The following GPHN variants were observed in gnomAD, a reference collection of about 807,000 sequenced individuals.
GPHN encodes gephyrin.
In GPHN, 17 loss-of-function variants were observed where a neutral mutation model predicts 95.5. The observed-to-expected ratio is 0.18, with a 90% confidence interval of 0.12 to 0.27. The LOEUF is 0.27. Among genes scored for constraint, GPHN ranks in the 10% least tolerant of loss-of-function variants. The probability of loss-of-function intolerance (pLI) is 1.00; values close to 1 mark genes in which losing one functional copy is unlikely to be tolerated. For missense variants in GPHN, 660 were observed against 978.1 expected (o/e 0.67, Z 4.34); for synonymous variants, 320 against 322.5 (o/e 0.99, Z 0.08).
chr14:66,585,236 C>A (rs1035216555), intron 1 of GPHN, among the ~76,000 whole-genome samples: 1 of 152,044 alleles, frequency 6.6e-6, no homozygotes. Flanking sequence ...GTGATGATAT[C>A]CCCTTTGTTA....
intron 5 of GPHN, among the ~76,000 whole-genome samples, chr14:66,912,750 C>A (rs2065731382): frequency 6.6e-6 from 1 of 151,984 alleles, no homozygotes; most frequent in Non-Finnish European, 1.5e-5. Flanking sequence ...TTCTAATGTA[C>A]TTTTTAAGGA....
At chr14:67,448,593 G>A in the GPHN span, among the ~76,000 whole-genome samples, 14 of 152,198 alleles carry the variant, frequency 9.2e-5, no homozygotes, top group East Asian at 2.5e-3. Flanking sequence ...TGGGGAAGGG[G>A]GATGGTTTGC....
At chr14:67,275,585 T>G in the GPHN span, among the ~76,000 whole-genome samples, 2 of 152,216 alleles carry the variant, frequency 1.3e-5, no homozygotes, top group Non-Finnish European at 2.9e-5. Context: ...AATTCTCTTT[T>G]TTTTGTTGTG....
chr14:67,408,344 TAAA>T, the GPHN span, among the ~76,000 whole-genome samples: 21 of 138,074 alleles, frequency 1.5e-4, no homozygotes, highest in East Asian at 5.5e-3. Flanking sequence ...TAAAATAAAA[TAAA>T]ATAAAATAAA....
At chr14:66,532,734 T>G (rs2042234797) in intron 1 of GPHN, among the ~76,000 whole-genome samples, 1 of 152,196 alleles carries the variant, frequency 6.6e-6, no homozygotes, top group Admixed American at 6.5e-5. Context: ...GACCCAGGGT[T>G]GAAGATTCCC....
chr14:67,539,732 C>T, the GPHN span, among the ~76,000 whole-genome samples: 2 of 152,140 alleles, frequency 1.3e-5, no homozygotes, highest in Non-Finnish European at 2.9e-5. Flanking sequence ...GAATTTGGGA[C>T]CAGAATCCCA....
chr14:67,157,304 G>C (rs146199115), intron 18 of GPHN, among the ~76,000 whole-genome samples: 1 of 151,860 alleles, frequency 6.6e-6, no homozygotes, highest in East Asian at 1.9e-4. Context: ...AATTCATCAG[G>C]AATATGTAAG....
At position 67,097,341 on chromosome 14, in the gene GPHN, C is replaced by T. The variant is rs142124331; in HGVS notation, c.1238-3515C>T. Reference sequence around the variant, plus strand: ...TAAGTAGTGGAAGTAGCACATGTCACGGAGCCAACATATGAGTTATCTTGG... The same window carrying T: ...TAAGTAGTGGAAGTAGCACATGTCATGGAGCCAACATATGAGTTATCTTGG... On this transcript the variant is annotated intron_variant, in intron 12 of 22. Coordinates refer to ENST00000478722, the MANE Select transcript of GPHN (RefSeq NM_020806.5). Among the ~76,000 whole-genome samples, 87 of 152,280 alleles carry T rather than the reference C, an allele frequency of 5.7e-4. 1 individual carries two copies. The highest frequency in any genetic ancestry group is 1.0e-3 in the Non-Finnish European group (69 of 68,016).
At chr14:67,030,667 T>C (rs2074150223) in intron 10 of GPHN, among the ~76,000 whole-genome samples, 1 of 152,194 alleles carries the variant, frequency 6.6e-6, no homozygotes, top group African/African-American at 2.4e-5. Context: ...CCAAGTTCTT[T>C]TCTAGTATAC....
the GPHN span, among the ~76,000 whole-genome samples, chr14:67,609,389 G>A: frequency 6.6e-6 from 1 of 152,126 alleles, no homozygotes; most frequent in African/African-American, 2.4e-5. Context: ...CATGGAGTTG[G>A]GGTGCACCGC....
chr14:67,537,675 G>GA, the GPHN span, among the ~76,000 whole-genome samples: 4 of 151,514 alleles, frequency 2.6e-5, no homozygotes, highest in African/African-American at 4.8e-5. Flanking sequence ...AAAAGAAAAA[G>GA]AAAAAAAAGT....
Position 66,660,100 on chromosome 14 carries a change from GTA to G in GPHN, c.65-21005_65-21004del, listed in dbSNP as rs887046880. On this transcript the variant is annotated intron_variant, in intron 1 of 22. Transcript: ENST00000478722. ...GTGGTTGTTTATTGGTTACTCTAGT[GTA>G]TGTGTGTGTGTGTGTATAAAATTTT... Among the ~76,000 whole-genome samples, 4 of 151,968 alleles carry G rather than the reference GTA, an allele frequency of 2.6e-5. 1 individual carries two copies. In the South Asian group the frequency reaches 6.2e-4, roughly 24 times the overall value.
At chr14:67,460,634 G>T in the GPHN span, among the ~76,000 whole-genome samples, 1 of 152,180 alleles carries the variant, frequency 6.6e-6, no homozygotes, top group Non-Finnish European at 1.5e-5. Context: ...AACACGGGAG[G>T]CAGAGGTTGT....
chr14:67,361,259 G>T, the GPHN span, among the ~76,000 whole-genome samples: 2 of 152,286 alleles, frequency 1.3e-5, no homozygotes, highest in Admixed American at 1.3e-4. Context: ...GTATAGCAGA[G>T]AAGTCTTTAT....
chr14:66,916,259 C>G (rs1050239097), intron 6 of GPHN, among the ~76,000 whole-genome samples, 190 bp downstream of exon 6: 1 of 152,070 alleles, frequency 6.6e-6, no homozygotes, highest in Non-Finnish European at 1.5e-5. Context: ...AACTGTTACA[C>G]TTACAGTTAT....
intron 2 of GPHN, among the ~76,000 whole-genome samples, chr14:66,728,102 GCAAGCCC>G (rs1189570302): frequency 6.6e-6 from 1 of 152,168 alleles, no homozygotes; most frequent in Non-Finnish European, 1.5e-5. Flanking sequence ...TTCAGAGGGT[GCAAGCCC>G]CAAGCCTTGG....
chr14:66,803,115 A>T lies in GPHN; in HGVS notation c.202-21359A>T, dbSNP rs148663966. 1.9e-3 allele frequency among the ~76,000 whole-genome samples: 291 copies of T among 152,120 alleles called. 1 individual carries two copies. Among genetic ancestry groups the T allele is most frequent in the African/African-American group, 6.4e-3 (265 of 41,474 alleles). Reference sequence around the variant, plus strand: ...GTGCCAGATGGTGAAGCTTTCAGGAACTCAAGTTCTGATTGCTAGGATCAG... The same window carrying T: ...GTGCCAGATGGTGAAGCTTTCAGGATCTCAAGTTCTGATTGCTAGGATCAG... On this transcript the variant is annotated intron_variant, in intron 3 of 22. Transcript: ENST00000478722.
intron 12 of GPHN, 90 bp from the exon 13 acceptor site, chr14:67,100,763 TTTG>T (rs1480640324): frequency 2.4e-6 from 2 of 830,628 alleles, no homozygotes; most frequent in African/African-American, 3.3e-5. Context: ...TATCAAATAA[TTTG>T]AGTCAAATTT....
At chr14:67,286,796 G>A in the GPHN span, among the ~76,000 whole-genome samples, 1 of 147,186 alleles carries the variant, frequency 6.8e-6, no homozygotes, top group Non-Finnish European at 1.5e-5. Context: ...AGTTGAGGCT[G>A]CAGTGAGCTC....
Sources: gnomAD v4.1 joint callset for allele counts (sites outside exome capture counted in the v4.1 genomes callset) on GRCh38, gnomAD v4.1.1 for gene constraint, MANE v1.5 for transcripts, NCBI Gene and HGNC (gene_info 2026-07-23, HGNC 2026-07-21) for gene names.